The following NRXN3 variants were observed in gnomAD, a reference collection of about 807,000 sequenced individuals.
NRXN3 encodes the protein neurexin 3.
In NRXN3, 32 loss-of-function variants were observed where a neutral mutation model predicts 137.6. The observed-to-expected ratio is 0.23, with a 90% CI of 0.18 to 0.31. NRXN3 has a LOEUF of 0.31. NRXN3 is among the 10% of genes least tolerant of loss of function. NRXN3 has a pLI of 1.00. For missense variants in NRXN3, 1,574 were observed against 2,062.5 expected (o/e 0.76, Z 4.59); for synonymous variants, 798 against 784.5 (o/e 1.02, Z -0.29).
chr14:79,422,781 C>T (rs539735044), intron 15 of NRXN3, among the ~76,000 whole-genome samples: 3 of 149,320 alleles, frequency 2.0e-5, no homozygotes, highest in African/African-American at 7.4e-5. Context: ...CTCACTGCAA[C>T]CTCCGCCTCC....
At chr14:78,488,489 T>TA in intron 4 of NRXN3, among the ~76,000 whole-genome samples, 1 of 152,334 alleles carries the variant, frequency 6.6e-6, no homozygotes, top group Non-Finnish European at 1.5e-5. Flanking sequence ...AAGCTGCTTT[T>TA]ACATTAAAAA....
At chr14:79,350,602 AG>A (rs1234710379) in intron 15 of NRXN3, among the ~76,000 whole-genome samples, 1 of 152,182 alleles carries the variant, frequency 6.6e-6, no homozygotes, top group African/African-American at 2.4e-5. Context: ...ATTGGAGGAA[AG>A]GGTGTGTGTT....
chr14:79,273,077 AAGG>A (rs201172433), intron 15 of NRXN3, among the ~76,000 whole-genome samples: 1,699 of 151,158 alleles, frequency 0.011, 34 homozygotes, highest in African/African-American at 0.039. Flanking sequence ...GAGGATGAAA[AAGG>A]AGAATTGCTT....
chr14:79,637,729 C>CTTTTTTGTTTTTTTTTTTTTTTTTTT (rs2098411954), intron 16 of NRXN3, among the ~76,000 whole-genome samples: 1 of 95,622 alleles, frequency 1.0e-5, no homozygotes, highest in Non-Finnish European at 2.0e-5. Flanking sequence ...TAGAAAAGTT[C>CTTTTTTGTTTTTTTTTTTTTTTTTTT]TTTTTTTTTT....
In NRXN3 at chr14:79,867,787, A is replaced by G. The variant is rs2099418619; in HGVS notation, c.*5823A>G. The G allele has an allele frequency of 6.6e-6, 1 of 152,248 alleles. No individual in the cohort carries two copies. The highest frequency in any genetic ancestry group is 2.4e-5 in the African/African-American group (1 of 41,432). The allele number at this position is 152,248 out of a possible 1,614,324, so 9.4% of individuals were successfully genotyped here. ...CCAAGTAGAAGAGCAAATAATTCCA[A>G]GAGACACCAAGCCACAGAGCAGGTA... On this transcript the variant is annotated 3_prime_UTR_variant, in exon 21 of 21. Coordinates refer to ENST00000335750, the MANE Select transcript of NRXN3 (RefSeq NM_001330195.2).
intron 6 of NRXN3, among the ~76,000 whole-genome samples, chr14:78,691,633 A>G (rs2098171324): frequency 6.6e-6 from 1 of 152,032 alleles, no homozygotes; most frequent in Non-Finnish European, 1.5e-5. Context: ...GAATAAGGGT[A>G]AGAGAGCCCG....
intron 10 of NRXN3, among the ~76,000 whole-genome samples, chr14:78,923,569 C>T (rs868400880): frequency 5.9e-5 from 9 of 152,186 alleles, no homozygotes; most frequent in African/African-American, 1.9e-4. Flanking sequence ...ATGCCATTCT[C>T]TAATCAATGC....
intron 15 of NRXN3, among the ~76,000 whole-genome samples, chr14:79,432,424 T>C (rs1392755911): frequency 6.6e-6 from 1 of 152,126 alleles, no homozygotes; most frequent in Non-Finnish European, 1.5e-5. Flanking sequence ...AAACAGAATG[T>C]AAAGTACTAT....
At chr14:78,881,235 A>T (rs2099128393) in intron 10 of NRXN3, among the ~76,000 whole-genome samples, 1 of 151,670 alleles carries the variant, frequency 6.6e-6, no homozygotes, top group Admixed American at 6.5e-5. Flanking sequence ...CTGAGAATGG[A>T]CTAATACAGT....
intron 15 of NRXN3, among the ~76,000 whole-genome samples, chr14:79,391,297 T>G (rs2094837629): frequency 6.6e-6 from 1 of 152,182 alleles, no homozygotes; most frequent in Non-Finnish European, 1.5e-5. Flanking sequence ...AGAGGCAGCT[T>G]TCTGAAGTGG....
Position 79,446,355 on chromosome 14 carries a change from T to C in NRXN3, c.3263-20866T>C, listed in dbSNP as rs191217003. On this transcript the variant is annotated intron_variant, in intron 15 of 20. Transcript: ENST00000335750. ...CTCTTAGGTAGTACACAGCCCTTTT[T>C]CTGAAAGTCTTATCTCTGATGAAGA... 2.6e-5 allele frequency among the ~76,000 whole-genome samples: 4 copies of C among 152,322 alleles called. No individual in the cohort carries two copies. The East Asian group carries it at 7.7e-4, about 29-fold the overall frequency.
At chr14:78,660,416 G>A (rs1193723659) in intron 6 of NRXN3, among the ~76,000 whole-genome samples, 1 of 151,940 alleles carries the variant, frequency 6.6e-6, no homozygotes, top group Admixed American at 6.6e-5. Context: ...AAATCAATTA[G>A]AGACTCCTAA....
chr14:79,754,120 A>C (rs2099009072), intron 19 of NRXN3, among the ~76,000 whole-genome samples: 1 of 151,968 alleles, frequency 6.6e-6, no homozygotes, highest in African/African-American at 2.4e-5. Flanking sequence ...TTGGGAGTTC[A>C]AGACCAGCCT....
At chr14:78,719,448 C>A (rs2098449451) in intron 8 of NRXN3, among the ~76,000 whole-genome samples, 1 of 152,058 alleles carries the variant, frequency 6.6e-6, no homozygotes, top group Non-Finnish European at 1.5e-5. Context: ...GCAAATGATT[C>A]TGCCTGGAAA....
At chr14:78,824,449 T>A (rs2098960649) in intron 10 of NRXN3, among the ~76,000 whole-genome samples, 1 of 152,202 alleles carries the variant, frequency 6.6e-6, no homozygotes, top group South Asian at 2.1e-4. Context: ...ACGGTGCTAA[T>A]CATATAGAAG....
chr14:78,471,327 CACACA>C (rs1207987964), intron 4 of NRXN3, among the ~76,000 whole-genome samples: 111 of 14,106 alleles, frequency 7.9e-3, no homozygotes, highest in Admixed American at 0.034. Context: ...CACACACACA[CACACA>C]CCCCCAAGAA....
rs1050878219 is a variant in NRXN3 at position 79,074,131 on chromosome 14, T to C, written c.3262+85990T>C. On this transcript the variant is annotated intron_variant, in intron 15 of 20. Transcript: ENST00000335750. ...CATGACTTATACATGACTAAATGTA[T>C]TCTTAAATTGGAGTGGTACAAAAAA... 2.0e-5 allele frequency among the ~76,000 whole-genome samples: 3 copies of C among 152,220 alleles called. No individual in the cohort carries two copies. The South Asian group carries it at 6.2e-4, about 31-fold the overall frequency.
chr14:79,110,906 T>C (rs1188826522), intron 15 of NRXN3, among the ~76,000 whole-genome samples: 1 of 152,018 alleles, frequency 6.6e-6, no homozygotes, highest in Non-Finnish European at 1.5e-5. Flanking sequence ...TTCTCCTGCC[T>C]CAGCCTCCCA....
chr14:78,787,251 A>C (rs1277464796), intron 8 of NRXN3, among the ~76,000 whole-genome samples: 1 of 152,138 alleles, frequency 6.6e-6, no homozygotes, highest in Non-Finnish European at 1.5e-5. Flanking sequence ...TTCTTCTGCC[A>C]CCCTAAAGGA....
Sources: allele counts gnomAD v4.1 joint callset (sites outside exome capture counted in the v4.1 genomes callset), GRCh38; gene constraint gnomAD v4.1.1; transcripts MANE v1.5; gene names NCBI Gene and HGNC (gene_info 2026-07-23, HGNC 2026-07-21).